Variants in ZBBX observed in about 807,000 individuals in gnomAD.
The protein encoded by ZBBX is zinc finger B-box domain-containing protein 1.
ZBBX carries 101 observed loss-of-function variants against 108.5 expected under a neutral mutation model. The observed-to-expected ratio is 0.93, with a 90% CI of 0.79 to 1.10. The LOEUF (loss-of-function observed/expected upper bound fraction) is 1.10, where lower values mean the gene tolerates loss of function less well. Among genes scored for constraint, ZBBX ranks in the 50% least tolerant of loss-of-function variants. The pLI is 0.00. For missense variants in ZBBX, 1,009 were observed against 941.4 expected, an observed-to-expected ratio of 1.07 and a Z score of -0.94; for synonymous variants, 356 against 323.4, an observed-to-expected ratio of 1.10 and a Z score of -1.08.
intron 1 of ZBBX, among the ~76,000 whole-genome samples, chr3:167,397,157 A>AAAAAAAAAAAAAAAAT (rs1748265233): frequency 6.7e-6 from 1 of 149,756 alleles, no homozygotes; most frequent in Non-Finnish European, 1.5e-5. Context: ...AAAAAAAAAA[A>AAAAAAAAAAAAAAAAT]AAAAAAAAAT....
intron 1 of ZBBX, among the ~76,000 whole-genome samples, chr3:167,392,296 A>G (rs570235434): frequency 3.0e-4 from 45 of 151,924 alleles, no homozygotes; most frequent in African/African-American, 1.0e-3. Flanking sequence ...TATTTATATA[A>G]TTACTCTTTA....
At chr3:167,296,852 T>C (rs1425439676) in intron 18 of ZBBX, among the ~76,000 whole-genome samples, 1 of 151,994 alleles carries the variant, frequency 6.6e-6, no homozygotes, top group African/African-American at 2.4e-5. Context: ...CAATGACATT[T>C]TTCGTAGAAA....
At chr3:167,275,370 G>A (rs1162179139) in intron 20 of ZBBX, among the ~76,000 whole-genome samples, 2 of 152,194 alleles carry the variant, frequency 1.3e-5, no homozygotes, top group Non-Finnish European at 2.9e-5. Context: ...TGAGGTACCG[G>A]GTTCATCTCA....
chr3:167,271,586 C>T (rs2108473832), intron 20 of ZBBX, among the ~76,000 whole-genome samples: 1 of 152,252 alleles, frequency 6.6e-6, no homozygotes. Flanking sequence ...CATCAAGGGA[C>T]CCACTGGGGA....
the ZBBX span, among the ~76,000 whole-genome samples, chr3:167,195,361 T>TTA: frequency 6.6e-6 from 1 of 152,122 alleles, no homozygotes; most frequent in African/African-American, 2.4e-5. Context: ...TTTTGAGTAA[T>TTA]TATAAACAGG....
At chr3:167,390,157 G>C (rs1342488004) in intron 1 of ZBBX, among the ~76,000 whole-genome samples, 6 of 152,020 alleles carry the variant, frequency 3.9e-5, no homozygotes, top group African/African-American at 1.5e-4. Flanking sequence ...GTAAGGAAAG[G>C]GTCCAGTTTC....
the ZBBX span, among the ~76,000 whole-genome samples, chr3:167,216,585 C>T: frequency 5.9e-5 from 9 of 152,050 alleles, no homozygotes; most frequent in African/African-American, 2.2e-4. Flanking sequence ...TCCTCTCAAG[C>T]TACCAACAAT....
the ZBBX span, among the ~76,000 whole-genome samples, chr3:167,218,747 T>C: frequency 1.4e-4 from 21 of 151,878 alleles, no homozygotes; most frequent in African/African-American, 5.1e-4. Flanking sequence ...AGAACACAAA[T>C]AACTAAATGG....
intron 18 of ZBBX, among the ~76,000 whole-genome samples, chr3:167,293,601 C>T (rs1486227477): frequency 1.3e-5 from 2 of 152,120 alleles, no homozygotes; most frequent in Non-Finnish European, 2.9e-5. Context: ...ATGGAATGGG[C>T]AAAACCTGGA....
intron 20 of ZBBX, among the ~76,000 whole-genome samples, chr3:167,246,370 C>T (rs913088813): frequency 2.6e-5 from 4 of 152,132 alleles, no homozygotes; most frequent in African/African-American, 4.8e-5. Context: ...TAGATTAGCA[C>T]TTTTACAGTT....
intron 20 of ZBBX, among the ~76,000 whole-genome samples, chr3:167,250,796 C>T (rs1412375294): frequency 6.6e-6 from 1 of 152,008 alleles, no homozygotes; most frequent in Non-Finnish European, 1.5e-5. Context: ...AAGGCAGGTC[C>T]CTGGCTAGGG....
chr3:167,337,688 G>A (rs919627953), intron 9 of ZBBX, among the ~76,000 whole-genome samples: 9 of 151,904 alleles, frequency 5.9e-5, no homozygotes, highest in African/African-American at 1.7e-4. Flanking sequence ...TGGGCATATC[G>A]TATAATCTTT....
chr3:167,217,270 A>G, the ZBBX span, among the ~76,000 whole-genome samples: 2 of 151,990 alleles, frequency 1.3e-5, no homozygotes, highest in Non-Finnish European at 2.9e-5. Context: ...TTAAATTTAA[A>G]AGAGTAAAAC....
chr3:167,188,244 CA>C, the ZBBX span, among the ~76,000 whole-genome samples: 1 of 152,082 alleles, frequency 6.6e-6, no homozygotes, highest in African/African-American at 2.4e-5. Flanking sequence ...TTTCAATTAT[CA>C]AAACATTCAT....
At chr3:167,373,433 G>A (rs957775639) in intron 3 of ZBBX, among the ~76,000 whole-genome samples, 3 of 152,090 alleles carry the variant, frequency 2.0e-5, no homozygotes, top group African/African-American at 7.2e-5. Flanking sequence ...TAACACGTCT[G>A]ATGGAATTAA....
intron 8 of ZBBX, among the ~76,000 whole-genome samples, chr3:167,351,832 T>TACTG (rs1406556704): frequency 6.6e-6 from 1 of 152,168 alleles, no homozygotes; most frequent in Non-Finnish European, 1.5e-5. Context: ...GCTCTGCCAC[T>TACTG]ACTGATGCAT....
At chr3:167,182,815 T>C in the ZBBX span, among the ~76,000 whole-genome samples, 1 of 133,060 alleles carries the variant, frequency 7.5e-6, no homozygotes, top group Non-Finnish European at 1.6e-5. Context: ...TGTTGGTCCA[T>C]ATTGATTAAT....
chr3:167,277,486 T>A (rs973233226), intron 20 of ZBBX, among the ~76,000 whole-genome samples: 22 of 151,692 alleles, frequency 1.5e-4, no homozygotes, highest in African/African-American at 5.1e-4. Flanking sequence ...CCAACAAAGA[T>A]CAAAAGAGAC....
chr3:167,204,000 C>A, the ZBBX span, among the ~76,000 whole-genome samples: 1 of 152,010 alleles, frequency 6.6e-6, no homozygotes, highest in East Asian at 1.9e-4. Flanking sequence ...AAAGATAAGA[C>A]ACTAAAATAT....
Sources: gnomAD v4.1 joint callset for allele counts (sites outside exome capture counted in the v4.1 genomes callset) on GRCh38, gnomAD v4.1.1 for gene constraint, MANE v1.5 for transcripts, NCBI Gene and HGNC (gene_info 2026-07-23, HGNC 2026-07-21) for gene names.